The following STK32B variants were observed in gnomAD, a reference collection of about 807,000 sequenced individuals.
STK32B encodes serine/threonine-protein kinase 32B.
STK32B carries 43 observed loss-of-function variants against 52.6 expected under a neutral mutation model. The observed-to-expected ratio is 0.82, with a 90% confidence interval of 0.64 to 1.05. The LOEUF is 1.05. Among genes scored for constraint, STK32B ranks in the 50% least tolerant of loss-of-function variants. The probability of loss-of-function intolerance (pLI) is 0.00; values close to 1 mark genes in which losing one functional copy is unlikely to be tolerated. For missense variants in STK32B, 621 were observed against 534.6 expected (o/e 1.16, Z -1.59); for synonymous variants, 238 against 204.3 (o/e 1.17, Z -1.41).
chr4:5,333,804 C>T (rs1052677877), intron 4 of STK32B, among the ~76,000 whole-genome samples: 1 of 151,940 alleles, frequency 6.6e-6, no homozygotes, highest in African/African-American at 2.4e-5. Context: ...CGGCTTATTT[C>T]TGAGGGCTCT....
chr4:5,111,630 T>C (rs1435883605), intron 1 of STK32B, among the ~76,000 whole-genome samples: 2 of 152,138 alleles, frequency 1.3e-5, no homozygotes, highest in Non-Finnish European at 1.5e-5. Flanking sequence ...TGGGAAGGGT[T>C]GAAAAATTAT....
chr4:5,297,164 T>C (rs1729257436), intron 3 of STK32B, among the ~76,000 whole-genome samples: 2 of 152,344 alleles, frequency 1.3e-5, no homozygotes, highest in East Asian at 3.9e-4. Context: ...TCTGATGGGC[T>C]TCCCTTTGTA....
intron 5 of STK32B, among the ~76,000 whole-genome samples, chr4:5,411,584 G>A (rs947379918): frequency 1.3e-5 from 2 of 152,302 alleles, no homozygotes; most frequent in African/African-American, 4.8e-5. Context: ...CAGGTTAAAT[G>A]AAGTACTAAG....
At chr4:5,055,943 T>G (rs1741989408) in intron 1 of STK32B, among the ~76,000 whole-genome samples, 1 of 152,144 alleles carries the variant, frequency 6.6e-6, no homozygotes, top group South Asian at 2.1e-4. Flanking sequence ...TCTGTCTTTC[T>G]CCACTCAGTG....
At chr4:5,222,124 T>G (rs1324130690) in intron 3 of STK32B, among the ~76,000 whole-genome samples, 2 of 152,182 alleles carry the variant, frequency 1.3e-5, no homozygotes, top group African/African-American at 4.8e-5. Context: ...GCCAATGCCT[T>G]GGTCTTGGAC....
intron 2 of STK32B, among the ~76,000 whole-genome samples, chr4:5,148,417 C>T (rs1384440834): frequency 2.0e-5 from 3 of 151,690 alleles, no homozygotes; most frequent in Admixed American, 2.0e-4. Context: ...GTTACACCCC[C>T]AAAATTTGAT....
chr4:5,284,774 T>A (rs1328996073), intron 3 of STK32B, among the ~76,000 whole-genome samples: 1 of 152,234 alleles, frequency 6.6e-6, no homozygotes, highest in Non-Finnish European at 1.5e-5. Context: ...GCAGCTCATC[T>A]TTCCAGTAAA....
chr4:5,335,628 T>C (rs922661606), intron 4 of STK32B, among the ~76,000 whole-genome samples: 1 of 152,084 alleles, frequency 6.6e-6, no homozygotes, highest in Non-Finnish European at 1.5e-5. Flanking sequence ...TGCTATAAAT[T>C]TCCCTCTACG....
chr4:5,345,055 A>T (rs184711514), intron 4 of STK32B, among the ~76,000 whole-genome samples: 1 of 151,982 alleles, frequency 6.6e-6, no homozygotes, highest in East Asian at 1.9e-4. Flanking sequence ...TAATTAAAAA[A>T]AAAAAGAAAA....
intron 3 of STK32B, among the ~76,000 whole-genome samples, chr4:5,190,581 A>G (rs1418174226): frequency 2.0e-5 from 3 of 152,186 alleles, no homozygotes; most frequent in Non-Finnish European, 2.9e-5. Context: ...ATGCAGAGCA[A>G]AAGAGTCATA....
At chr4:5,030,048 C>T in the STK32B span, among the ~76,000 whole-genome samples, 2,711 of 152,278 alleles carry the variant, frequency 0.018, 91 homozygotes, top group African/African-American at 0.062. Context: ...CACCTTCCAC[C>T]ATGATGGTTA....
At chr4:5,170,389 T>A (rs1036812594) in intron 3 of STK32B, among the ~76,000 whole-genome samples, 8 of 152,272 alleles carry the variant, frequency 5.3e-5, no homozygotes, top group South Asian at 2.1e-4. Context: ...TACATGTGAC[T>A]TGTTGGTGTG....
intron 4 of STK32B, among the ~76,000 whole-genome samples, chr4:5,332,288 G>T (rs913239616): frequency 3.9e-5 from 6 of 152,154 alleles, no homozygotes; most frequent in African/African-American, 1.4e-4. Context: ...AAGCTGGGAA[G>T]AAAGATGTAG....
At chr4:5,193,749 C>T (rs1721420553) in intron 3 of STK32B, among the ~76,000 whole-genome samples, 1 of 152,208 alleles carries the variant, frequency 6.6e-6, no homozygotes, top group Admixed American at 6.5e-5. Flanking sequence ...ACACGAGGGC[C>T]ATTGTTCCCA....
At chr4:5,397,667 T>C (rs1271709958) in intron 4 of STK32B, among the ~76,000 whole-genome samples, 3 of 152,212 alleles carry the variant, frequency 2.0e-5, no homozygotes, top group Non-Finnish European at 4.4e-5. Context: ...TACGTGTATA[T>C]GTTGTTTTGT....
chr4:5,074,970 G>A (rs942509743), intron 1 of STK32B, among the ~76,000 whole-genome samples: 1 of 152,022 alleles, frequency 6.6e-6, no homozygotes, highest in African/African-American at 2.4e-5. Flanking sequence ...CCAACACTGG[G>A]CAGCTACTGA....
intron 4 of STK32B, among the ~76,000 whole-genome samples, chr4:5,385,707 C>T (rs970617170): frequency 6.6e-6 from 1 of 152,044 alleles, no homozygotes. Flanking sequence ...AGATCTAAGG[C>T]TCCTGCACTC....
At chr4:5,253,695 A>C (rs867169692) in intron 3 of STK32B, among the ~76,000 whole-genome samples, 7 of 152,020 alleles carry the variant, frequency 4.6e-5, no homozygotes, top group African/African-American at 1.7e-4. Context: ...CAGTTTTGCA[A>C]GAAGGAAAAG....
At chr4:5,339,934 C>A (rs1226194509) in intron 4 of STK32B, among the ~76,000 whole-genome samples, 2 of 152,240 alleles carry the variant, frequency 1.3e-5, no homozygotes, top group South Asian at 2.1e-4. Context: ...TTCCTATATA[C>A]TCTGGGTGAC....
Sources: gnomAD v4.1 joint callset for allele counts (sites outside exome capture counted in the v4.1 genomes callset) on GRCh38, gnomAD v4.1.1 for gene constraint, MANE v1.5 for transcripts, NCBI Gene and HGNC (gene_info 2026-07-23, HGNC 2026-07-21) for gene names.